The following CPS1 variants were observed in gnomAD, a reference collection of about 807,000 sequenced individuals.
The protein encoded by CPS1 is carbamoyl-phosphate synthase [ammonia], mitochondrial.
A neutral mutation model predicts 174.6 loss-of-function variants in CPS1; 109 were observed. That is an observed-to-expected ratio of 0.62 (90% CI 0.53 to 0.73). The LOEUF is 0.73. Among genes scored for constraint, CPS1 ranks in the 30% least tolerant of loss-of-function variants. The probability of loss-of-function intolerance (pLI) is 0.00; values close to 1 mark genes in which losing one functional copy is unlikely to be tolerated. For missense variants in CPS1, 1,689 were observed against 1,821.9 expected (o/e 0.93, Z 1.33); for synonymous variants, 637 against 632.0 (o/e 1.01, Z -0.12).
chr2:210,637,781 C>T lies in CPS1; in HGVS notation c.2767C>T (p.Leu923Phe), dbSNP rs1273949207. 1.2e-6 allele frequency: 2 copies of T among 1,613,872 alleles called. No individual in the cohort carries two copies. The highest frequency in any genetic ancestry group is 2.7e-5 in the African/African-American group (2 of 74,906). The change falls in exon 22 of 38, where the codon CTC becomes TTC. Residue 923 changes from leucine to phenylalanine, a missense_variant. By Grantham distance (22) the Leu-to-Phe change is conservative. Coordinates refer to ENST00000233072, the MANE Select transcript of CPS1 (RefSeq NM_001875.5). ...SDKQISKCLG[L>F]TEAQTRELRL... ...TAAGCAGATTTCAAAATGCCTTGGG[C>T]TCACTGAGGCCCAGACAAGGGAGCT...
chr2:210,590,205 G>C lies in CPS1; in HGVS notation c.811G>C (p.Ala271Pro). 6.2e-7 allele frequency: 1 copy of C among 1,612,868 alleles called. No individual in the cohort carries two copies. The highest frequency in any genetic ancestry group is 8.5e-7 in the Non-Finnish European group (1 of 1,179,156). The change falls in exon 8 of 38, where the codon GCA (alanine) becomes CCA (proline). Residue 271 changes from alanine to proline, a missense_variant. By Grantham distance (27) the Ala-to-Pro change is conservative (BLOSUM62 -1). Transcript: ENST00000233072. ...IAGGPGNPALAEPLIQNVRKI... is the reference protein window; with the variant it reads ...IAGGPGNPALPEPLIQNVRKI... Reference sequence around the variant, plus strand: ...GGGAGGACCGGGGAACCCAGCTCTTGCAGAACCACTAATTCAGAATGTCAG... The same window carrying C: ...GGGAGGACCGGGGAACCCAGCTCTTCCAGAACCACTAATTCAGAATGTCAG...
chr2:210,616,644 G>GGT lies in CPS1; in HGVS notation c.2687+104_2687+105dup, dbSNP rs1214151867. The GGT allele has an allele frequency of 3.7e-6, 3 of 804,642 alleles. No homozygotes were observed. The African/African-American group carries it at 5.1e-5, about 14-fold the overall frequency. The allele number at this position is 804,642 out of a possible 1,614,324, so 49.8% of individuals were successfully genotyped here. A position where few individuals can be genotyped will look rare whatever the true frequency, so the allele number is the denominator to read the frequency against. On this transcript the variant is annotated intron_variant, in intron 21 of 37. Coordinates refer to ENST00000233072, the MANE Select transcript of CPS1 (RefSeq NM_001875.5). ...TTTGGTCTACATTGTGATTCAATGA[G>GGT]GTAGATAGTGCCATTGTTGGAAAAT...
chr2:210,639,896 G>A (rs1025382397), intron 23 of CPS1, 100 bp from the exon 24 acceptor site: 1 of 845,758 alleles, frequency 1.2e-6, no homozygotes, highest in East Asian at 2.4e-5. Flanking sequence ...TTAACAAGAG[G>A]AAGATGAGAA....
At chr2:210,511,802 C>G (rs1203389137) in intron 1 of CPS1, among the ~76,000 whole-genome samples, 7 of 152,100 alleles carry the variant, frequency 4.6e-5, no homozygotes, top group Admixed American at 4.6e-4. Flanking sequence ...AAACTCAAAA[C>G]TGACTGAAAT....
At chr2:210,637,579 C>A in intron 21 of CPS1, 123 bp from the exon 22 acceptor site, 2 of 1,017,966 alleles carry the variant, frequency 2.0e-6, no homozygotes, top group Non-Finnish European at 3.0e-6. Context: ...TAAAAGATAA[C>A]AAGACTTAAA....
At chr2:210,484,230 C>G (rs1449512380) in intron 1 of CPS1, among the ~76,000 whole-genome samples, 1 of 152,108 alleles carries the variant, frequency 6.6e-6, no homozygotes, top group Admixed American at 6.5e-5. Context: ...GGGAACATCC[C>G]AGATGGAAGG....
chr2:210,630,074 A>C (rs758064065), intron 21 of CPS1, among the ~76,000 whole-genome samples: 105 of 134,936 alleles, frequency 7.8e-4, no homozygotes, highest in South Asian at 4.9e-3. Flanking sequence ...CTATGTCTCA[A>C]AAAACAAAAA....
At position 210,612,184 on chromosome 2, in the gene CPS1, TAGA is replaced by T; in HGVS notation, c.2462_2464del (p.Glu821del). ...GCTTTACGGATGTGCCACCCATCTA[TAGA>T]AGGTTTCACTCCCCGTCTCCCAATG... is the stretch of plus-strand genomic sequence containing the variant. On this transcript the variant is annotated inframe_deletion, in exon 20 of 38. Transcript: ENST00000233072. The T allele has an allele frequency of 6.2e-7, 1 of 1,612,256 alleles. No individual in the cohort carries two copies. Among genetic ancestry groups the T allele is most frequent in the Non-Finnish European group, 8.5e-7 (1 of 1,178,862 alleles).
chr2:210,645,250 G>T (rs1200982860), intron 25 of CPS1, among the ~76,000 whole-genome samples: 1 of 151,972 alleles, frequency 6.6e-6, no homozygotes, highest in Non-Finnish European at 1.5e-5. Flanking sequence ...GCCGTGATTT[G>T]TCTTCCCATT....
At chr2:210,638,925 A>G (rs528220854) in intron 22 of CPS1, among the ~76,000 whole-genome samples, 1 of 152,196 alleles carries the variant, frequency 6.6e-6, no homozygotes, top group Non-Finnish European at 1.5e-5. Flanking sequence ...TATTACTACT[A>G]GTGATCCAAT....
intron 19 of CPS1, among the ~76,000 whole-genome samples, chr2:210,610,316 TA>T (rs1157704346): frequency 1.3e-5 from 2 of 151,958 alleles, no homozygotes; most frequent in South Asian, 2.1e-4. Flanking sequence ...AAATAAAAGG[TA>T]GGGGGGAGTT....
intron 1 of CPS1, among the ~76,000 whole-genome samples, chr2:210,507,150 G>C (rs972080298): frequency 5.9e-5 from 9 of 152,196 alleles, no homozygotes; most frequent in Admixed American, 5.9e-4. Flanking sequence ...ACCCATAAAG[G>C]GAAGCCTATC....
At chr2:210,543,960 T>C (rs1696498400) in intron 1 of CPS1, among the ~76,000 whole-genome samples, 1 of 152,126 alleles carries the variant, frequency 6.6e-6, no homozygotes, top group African/African-American at 2.4e-5. Flanking sequence ...ATGAGAGGTT[T>C]AATCAAATTT....
chr2:210,524,271 G>A (rs1574491399), intron 1 of CPS1, among the ~76,000 whole-genome samples: 8 of 151,976 alleles, frequency 5.3e-5, no homozygotes, highest in Middle Eastern at 3.4e-3. Context: ...TTTAATGACT[G>A]TATATATTTT....
Position 210,599,376 on chromosome 2 carries a change from A to G in CPS1, c.1364A>G (p.Glu455Gly), listed in dbSNP as rs533346422. The change falls in exon 14 of 38, where the codon GAA becomes GGA. Residue 455 changes from glutamate to glycine, a missense_variant. Transcript: ENST00000233072. ...GGATTCTTTTGTTTCTTTCAGGAAG[A>G]AAATGTCAAAACTGTTCTGATGAAC... ...GSQAVKAMKE[E>G]NVKTVLMNPN... The G allele has an allele frequency of 1.2e-6, 2 of 1,612,126 alleles. No individual in the cohort carries two copies. The highest frequency in any genetic ancestry group is 2.2e-5 in the East Asian group (1 of 44,790).
rs1404696893 is a variant in CPS1, at chr2:210,642,517, C to T, written c.2993C>T (p.Ser998Phe). The T allele has an allele frequency of 4.3e-6, 7 of 1,613,962 alleles. No individual in the cohort carries two copies. The highest frequency in any genetic ancestry group is 5.9e-6 in the Non-Finnish European group (7 of 1,179,878). ...SSVEFDWCAV[S>F]SIRTLRQLGK... Reference sequence around the variant, plus strand: ...GTGGAATTTGATTGGTGTGCTGTCTCTAGTATCCGCACACTGCGTCAACTT... The same window carrying T: ...GTGGAATTTGATTGGTGTGCTGTCTTTAGTATCCGCACACTGCGTCAACTT... The change falls in exon 25 of 38, where the codon TCT (serine) becomes TTT (phenylalanine). Residue 998 changes from serine (S) to phenylalanine (F), a missense_variant. Coordinates refer to ENST00000233072, the MANE Select transcript of CPS1 (RefSeq NM_001875.5).
intron 19 of CPS1, among the ~76,000 whole-genome samples, chr2:210,608,989 G>T (rs1699020473): frequency 1.3e-5 from 2 of 151,824 alleles, no homozygotes; most frequent in African/African-American, 4.8e-5. Flanking sequence ...GCAAATTGTG[G>T]CTCTAACTTC....
At chr2:210,566,576 T>A (rs1289664537) in intron 1 of CPS1, among the ~76,000 whole-genome samples, 2 of 152,172 alleles carry the variant, frequency 1.3e-5, no homozygotes, top group African/African-American at 4.8e-5. Context: ...TTTCTTTTAA[T>A]CCTCACTTAC....
At chr2:210,601,159 TGGAA>T (rs1171166552) in intron 15 of CPS1, among the ~76,000 whole-genome samples, 2 of 151,986 alleles carry the variant, frequency 1.3e-5, no homozygotes, top group Non-Finnish European at 1.5e-5. Flanking sequence ...TTAAAATGAC[TGGAA>T]AACCTGTAGT....
Sources: allele counts gnomAD v4.1 joint callset (sites outside exome capture counted in the v4.1 genomes callset), GRCh38; gene constraint gnomAD v4.1.1; transcripts MANE v1.5; gene names NCBI Gene and HGNC (gene_info 2026-07-23, HGNC 2026-07-21).